Variants in AGBL1 observed in about 807,000 individuals in gnomAD.
AGBL1 encodes the protein AGBL carboxypeptidase 1.
Under a neutral mutation model 118.9 loss-of-function variants are expected in AGBL1, and 130 were observed. The observed-to-expected ratio is 1.09, with a 90% CI of 0.95 to 1.26. The LOEUF is 1.26. Ranked by LOEUF, AGBL1 falls within the 50% of genes most tolerant of loss-of-function variation. AGBL1 has a pLI of 0.00. For missense variants in AGBL1, 1,584 were observed against 1,298.1 expected, an observed-to-expected ratio of 1.22 and a Z score of -3.38; for synonymous variants, 555 against 478.9, an observed-to-expected ratio of 1.16 and a Z score of -2.08.
rs572785592 is a variant in AGBL1, at chr15:86,975,129, GTGGTTTCC to G, written c.3222-12857_3222-12850del. On this transcript the variant is annotated intron_variant, in intron 23 of 24. Transcript: ENST00000441037. Reference sequence around the variant, plus strand: ...GAGCAAAGAGATAAAATGTCCCACAGTGGTTTCCCATTGCTCTAAGGATACTGTATTAG... The same window carrying G: ...GAGCAAAGAGATAAAATGTCCCACAGCATTGCTCTAAGGATACTGTATTAG... 4.1e-4 allele frequency among the ~76,000 whole-genome samples: 63 copies of G among 152,108 alleles called. No homozygotes were observed. In the South Asian group the frequency reaches 8.5e-3, roughly 21 times the overall value.
chr15:86,361,095 A>G (rs1168857828), intron 17 of AGBL1, among the ~76,000 whole-genome samples: 1 of 152,022 alleles, frequency 6.6e-6, no homozygotes, highest in Non-Finnish European at 1.5e-5. Context: ...GTAGACATTT[A>G]TAGCTACAAA....
chr15:86,257,148 A>G lies in AGBL1; in HGVS notation c.901+130A>G, dbSNP rs1004718352. Reference sequence around the variant, plus strand: ...CATAATTGTCTATTAAGCTAATTAGAGACATATATGAAAAAGCAGTTTTGA... The same window carrying G: ...CATAATTGTCTATTAAGCTAATTAGGGACATATATGAAAAAGCAGTTTTGA... On this transcript the variant is annotated intron_variant, in intron 8 of 22. Transcript: ENST00000614907. 8 of 1,049,888 alleles carry G rather than the reference A, an allele frequency of 7.6e-6. No individual in the cohort carries two copies. In the African/African-American group the frequency reaches 1.3e-4, roughly 17 times the overall value. The allele number at this position is 1,049,888 out of a possible 1,614,324, so 65.0% of individuals were successfully genotyped here.
Position 86,264,851 on chromosome 15 carries a change from C to T in AGBL1, c.1667+13C>T, listed in dbSNP as rs562475587. 6.4e-6 allele frequency: 10 copies of T among 1,560,586 alleles called. No homozygotes were observed. In the South Asian group the frequency reaches 1.1e-4, roughly 17 times the overall value. ...GTGGAGTCCAAAGGTGATGGCGCTA[C>T]TGACTTGGGAGCTCTTTTTTTCTGT... On this transcript the variant is annotated intron_variant, in intron 11 of 22. Coordinates refer to ENST00000614907, the MANE Select transcript of AGBL1 (RefSeq NM_001386094.1).
chr15:86,213,177 G>A (rs1000738165), intron 5 of AGBL1, among the ~76,000 whole-genome samples: 1 of 152,138 alleles, frequency 6.6e-6, no homozygotes, highest in African/African-American at 2.4e-5. Context: ...TCTTTTTTTA[G>A]GTGATAGTCC....
intron 21 of AGBL1, among the ~76,000 whole-genome samples, chr15:86,601,883 T>C (rs1019855934): frequency 3.3e-5 from 5 of 152,216 alleles, no homozygotes; most frequent in African/African-American, 1.2e-4. Flanking sequence ...TAAAGTCACA[T>C]AGCTGCTTAA....
chr15:86,931,687 G>A (rs549843092), intron 23 of AGBL1, among the ~76,000 whole-genome samples: 1 of 152,036 alleles, frequency 6.6e-6, no homozygotes, highest in South Asian at 2.1e-4. Flanking sequence ...TTTAAGGTAT[G>A]TGTGTGGTGT....
At chr15:86,826,033 T>C (rs1312766104) in intron 22 of AGBL1, among the ~76,000 whole-genome samples, 3 of 99,454 alleles carry the variant, frequency 3.0e-5, no homozygotes, top group Admixed American at 1.8e-4. Context: ...CAGTAACTTC[T>C]TGCAAAAAAA....
intron 21 of AGBL1, among the ~76,000 whole-genome samples, chr15:86,626,348 TC>T (rs1231292944): frequency 6.6e-6 from 1 of 152,170 alleles, no homozygotes; most frequent in Non-Finnish European, 1.5e-5. Flanking sequence ...CGAGACCATG[TC>T]CTTTGCAGGA....
chr15:86,998,074 T>C (rs1474882545), intron 24 of AGBL1, among the ~76,000 whole-genome samples: 3 of 152,142 alleles, frequency 2.0e-5, no homozygotes, highest in Admixed American at 2.0e-4. Flanking sequence ...CACATAGGAT[T>C]GGGGATTGTG....
Position 86,833,402 on chromosome 15 carries a change from T to C in AGBL1, c.3159-73685T>C, listed in dbSNP as rs188111946. Among the ~76,000 whole-genome samples, 6 of 152,210 alleles carry C rather than the reference T, an allele frequency of 3.9e-5. No individual in the cohort carries two copies. The East Asian group carries it at 9.8e-4, about 25-fold the overall frequency. On this transcript the variant is annotated intron_variant, in intron 22 of 22. Transcript: ENST00000614907. ...GAATCATGGGGGCTGGTTTTTCCCA[T>C]GCTATTCTCCTGATGGTGAGTAAGT...
chr15:86,140,414 G>A (rs4887322), intron 1 of AGBL1, among the ~76,000 whole-genome samples: 35,722 of 151,886 alleles, frequency 0.24, 4,667 homozygotes, highest in South Asian at 0.33. Flanking sequence ...GGACTTCATG[G>A]CCTCCTTGGA....
chr15:86,383,979 T>G (rs1337785504), intron 17 of AGBL1, among the ~76,000 whole-genome samples: 1 of 152,226 alleles, frequency 6.6e-6, no homozygotes, highest in East Asian at 1.9e-4. Flanking sequence ...TGCTTTATAA[T>G]ATGTCTAAAC....
chr15:86,501,984 A>T (rs939307684), intron 18 of AGBL1, among the ~76,000 whole-genome samples: 2 of 151,644 alleles, frequency 1.3e-5, no homozygotes, highest in Non-Finnish European at 1.5e-5. Context: ...AAAAAAACCC[A>T]GATGGACTTA....
chr15:86,213,979 T>C (rs1285035782), intron 5 of AGBL1, among the ~76,000 whole-genome samples: 1 of 152,194 alleles, frequency 6.6e-6, no homozygotes, highest in African/African-American at 2.4e-5. Flanking sequence ...TTTCTCATCA[T>C]TTTATGGGTA....
chr15:86,845,823 G>A (rs1281815821), intron 22 of AGBL1, among the ~76,000 whole-genome samples: 1 of 151,930 alleles, frequency 6.6e-6, no homozygotes, highest in African/African-American at 2.4e-5. Flanking sequence ...GGTAAATCTG[G>A]TAAATATTTA....
intron 21 of AGBL1, among the ~76,000 whole-genome samples, chr15:86,658,775 C>G (rs1016109532): frequency 2.6e-5 from 4 of 152,114 alleles, no homozygotes; most frequent in Non-Finnish European, 4.4e-5. Context: ...TAATTTAGCA[C>G]TTGTTAGGCC....
At chr15:86,784,684 T>C (rs939177324) in intron 22 of AGBL1, among the ~76,000 whole-genome samples, 3 of 152,156 alleles carry the variant, frequency 2.0e-5, no homozygotes, top group African/African-American at 4.8e-5. Context: ...AGTTCAGAGG[T>C]AACTGTGGCT....
At chr15:86,717,805 C>G (rs1043300534) in intron 22 of AGBL1, among the ~76,000 whole-genome samples, 1 of 152,156 alleles carries the variant, frequency 6.6e-6, no homozygotes. Context: ...TCAGGCCGGG[C>G]ATGGTGGCTC....
rs1248010681 is a variant in AGBL1 at position 86,915,692 on chromosome 15, C to G, written c.*8398C>G. On this transcript the variant is annotated 3_prime_UTR_variant, in exon 23 of 23. Transcript: ENST00000614907. ...ACTGTAATATCTTGGAGAACAAAGA[C>G]AATTTTGTTCACTGCTACATCCTGA... 1 of 152,286 alleles carries G rather than the reference C, an allele frequency of 6.6e-6. No homozygotes were observed. Among genetic ancestry groups the G allele is most frequent in the South Asian group, 2.1e-4 (1 of 4,822 alleles). The allele number at this position is 152,286 out of a possible 1,614,324, so 9.4% of individuals were successfully genotyped here.
Sources: gnomAD v4.1 joint callset for allele counts (sites outside exome capture counted in the v4.1 genomes callset) on GRCh38, gnomAD v4.1.1 for gene constraint, MANE v1.5 for transcripts, NCBI Gene and HGNC (gene_info 2026-07-23, HGNC 2026-07-21) for gene names.